The following ZBTB7C variants were observed in gnomAD, a reference collection of about 807,000 sequenced individuals.
ZBTB7C encodes the protein zinc finger and BTB domain-containing protein 7C.
In ZBTB7C, 8 loss-of-function variants were observed where a neutral mutation model predicts 25.7. That is an observed-to-expected ratio of 0.31 (90% CI 0.18 to 0.56). The LOEUF is 0.56. ZBTB7C is among the 20% of genes least tolerant of loss of function. The probability of loss-of-function intolerance (pLI) is 0.91; values close to 1 mark genes in which losing one functional copy is unlikely to be tolerated. For missense variants in ZBTB7C, 824 were observed against 855.2 expected (o/e 0.96, Z 0.46); for synonymous variants, 394 against 369.0 (o/e 1.07, Z -0.78).
intron 3 of ZBTB7C, among the ~76,000 whole-genome samples, chr18:48,154,869 C>T (rs1462693322): frequency 6.6e-6 from 1 of 152,164 alleles, no homozygotes; most frequent in Admixed American, 6.5e-5. Flanking sequence ...GCTAAATGCT[C>T]AAGTCCTAGT....
chr18:48,341,231 A>G (rs1032933290), intron 1 of ZBTB7C, among the ~76,000 whole-genome samples: 47 of 152,148 alleles, frequency 3.1e-4, no homozygotes, highest in Non-Finnish European at 8.8e-5. Flanking sequence ...CTTCTTGACT[A>G]CTTCTTGGAG....
At chr18:48,205,519 G>A (rs900048532) in intron 2 of ZBTB7C, among the ~76,000 whole-genome samples, 4 of 151,728 alleles carry the variant, frequency 2.6e-5, no homozygotes, top group South Asian at 2.1e-4. Flanking sequence ...TATTAATAAC[G>A]AAGTCAATTT....
intron 3 of ZBTB7C, among the ~76,000 whole-genome samples, chr18:48,060,927 C>T (rs1191021648): frequency 1.3e-5 from 2 of 151,950 alleles, no homozygotes; most frequent in Non-Finnish European, 2.9e-5. Flanking sequence ...AAAGGGGCTG[C>T]CAGGAATGGA....
intron 1 of ZBTB7C, among the ~76,000 whole-genome samples, chr18:48,358,408 T>C (rs889724993): frequency 6.6e-6 from 1 of 152,136 alleles, no homozygotes. Flanking sequence ...GCTCCCACTC[T>C]CACCCTGTGA....
rs907777126 is a variant in ZBTB7C, at chr18:48,187,542, G to A, written c.-78-1547C>T. On this transcript the variant is annotated intron_variant, in intron 2 of 4. Coordinates refer to ENST00000590800, the MANE Select transcript of ZBTB7C (RefSeq NM_001318841.2). Reference sequence around the variant, plus strand: ...AGACAAGAAGTAGAAGGCCGGGCATGGTGGCTCATGCTTGTAATCCTAGCA... The same window carrying A: ...AGACAAGAAGTAGAAGGCCGGGCATAGTGGCTCATGCTTGTAATCCTAGCA... Among the ~76,000 whole-genome samples, 6 of 152,116 alleles carry A rather than the reference G, an allele frequency of 3.9e-5. 1 individual carries two copies. The highest frequency in any genetic ancestry group is 7.3e-5 in the Non-Finnish European group (5 of 68,038).
At chr18:48,094,482 A>G (rs939847935) in intron 3 of ZBTB7C, among the ~76,000 whole-genome samples, 1 of 152,150 alleles carries the variant, frequency 6.6e-6, no homozygotes, top group Non-Finnish European at 1.5e-5. Context: ...ACATTTTAGG[A>G]TGATCACTCT....
At chr18:48,368,030 A>G (rs2047291057) in intron 1 of ZBTB7C, among the ~76,000 whole-genome samples, 2 of 152,114 alleles carry the variant, frequency 1.3e-5, no homozygotes, top group East Asian at 1.9e-4. Context: ...CACAATACCA[A>G]AAATCTCCAG....
In ZBTB7C at chr18:48,029,275, G is replaced by C. The variant is rs923578449; in HGVS notation, c.1845C>G (p.Ser615=). 7 of 1,538,106 alleles carry C rather than the reference G, an allele frequency of 4.6e-6. No individual in the cohort carries two copies. The highest frequency in any genetic ancestry group is 6.1e-6 in the Non-Finnish European group (7 of 1,148,808). The part of the protein sequence containing the change: ...LAGLNHVASM[S]EANN ...AGGGACCAGCCTAGTTGTTGGCTTC[G>C]GACATGGAGGCCACGTGGTTGAGGC... Residue 615 remains serine, a synonymous_variant, in exon 5 of 5, where the codon TCC becomes TCG. Coordinates refer to ENST00000590800, the MANE Select transcript of ZBTB7C (RefSeq NM_001318841.2).
At chr18:48,385,653 T>C (rs1212543343) in intron 1 of ZBTB7C, among the ~76,000 whole-genome samples, 2 of 152,218 alleles carry the variant, frequency 1.3e-5, no homozygotes, top group African/African-American at 4.8e-5. Flanking sequence ...AGGGCAGAGA[T>C]GGACATATGC....
intron 4 of ZBTB7C, among the ~76,000 whole-genome samples, chr18:48,035,234 C>T (rs1030671160): frequency 7.9e-5 from 12 of 152,250 alleles, no homozygotes; most frequent in Admixed American, 2.0e-4. Flanking sequence ...AACTGGAAAG[C>T]GTGCCTTGTC....
intron 2 of ZBTB7C, among the ~76,000 whole-genome samples, chr18:48,192,892 T>G (rs1438272200): frequency 6.6e-6 from 1 of 152,210 alleles, no homozygotes; most frequent in Non-Finnish European, 1.5e-5. Context: ...GGATGTGTTG[T>G]AAGGACTCTC....
At chr18:48,366,443 G>C (rs1225303394) in intron 1 of ZBTB7C, among the ~76,000 whole-genome samples, 1 of 152,176 alleles carries the variant, frequency 6.6e-6, no homozygotes, top group Non-Finnish European at 1.5e-5. Context: ...CTACATCTGA[G>C]TTCAATAATT....
intron 2 of ZBTB7C, among the ~76,000 whole-genome samples, chr18:48,266,718 T>C (rs2044324807): frequency 6.6e-6 from 1 of 152,212 alleles, no homozygotes. Flanking sequence ...AGTCTACTCC[T>C]GCCTAAGCAC....
intron 2 of ZBTB7C, among the ~76,000 whole-genome samples, chr18:48,277,710 G>A (rs1440286012): frequency 6.6e-6 from 1 of 152,206 alleles, no homozygotes; most frequent in Non-Finnish European, 1.5e-5. Context: ...AGTCACGCTG[G>A]AGGCTCCCAC....
chr18:48,296,789 T>A (rs550632363), intron 2 of ZBTB7C, among the ~76,000 whole-genome samples: 1 of 151,890 alleles, frequency 6.6e-6, no homozygotes, highest in East Asian at 2.0e-4. Context: ...GAGCCAGCAT[T>A]ACTGCCTGAG....
At chr18:48,038,072 G>T (rs1326517126) in intron 4 of ZBTB7C, among the ~76,000 whole-genome samples, 3 of 152,154 alleles carry the variant, frequency 2.0e-5, no homozygotes. Flanking sequence ...GGAGGTAGGG[G>T]GCAGCATCAC....
intron 2 of ZBTB7C, among the ~76,000 whole-genome samples, chr18:48,308,897 G>A (rs2045744614): frequency 6.6e-6 from 1 of 152,000 alleles, no homozygotes; most frequent in Admixed American, 6.5e-5. Context: ...CTCTGTGTGA[G>A]TCTGATGTAT....
At chr18:48,191,248 A>C (rs2042187843) in intron 2 of ZBTB7C, among the ~76,000 whole-genome samples, 1 of 152,146 alleles carries the variant, frequency 6.6e-6, no homozygotes, top group African/African-American at 2.4e-5. Flanking sequence ...GAGGATGGCC[A>C]GGTCATGGGC....
At chr18:48,275,359 A>T (rs2044614331) in intron 2 of ZBTB7C, among the ~76,000 whole-genome samples, 1 of 152,206 alleles carries the variant, frequency 6.6e-6, no homozygotes, top group Admixed American at 6.5e-5. Flanking sequence ...TGGGACATGC[A>T]TCTGTCAGCG....
Sources: allele counts gnomAD v4.1 joint callset (sites outside exome capture counted in the v4.1 genomes callset), GRCh38; gene constraint gnomAD v4.1.1; transcripts MANE v1.5; gene names NCBI Gene and HGNC (gene_info 2026-07-23, HGNC 2026-07-21).